The following CNTNAP4 variants were observed in gnomAD, a reference collection of about 807,000 sequenced individuals.
CNTNAP4 encodes contactin associated protein family member 4.
CNTNAP4 carries 98 observed loss-of-function variants against 148.4 expected under a neutral mutation model. The observed-to-expected ratio is 0.66, with a 90% CI of 0.56 to 0.78. The LOEUF is 0.78. Among genes scored for constraint, CNTNAP4 ranks in the 30% least tolerant of loss-of-function variants. CNTNAP4 has a pLI of 0.00. For synonymous variants in CNTNAP4, 730 were observed against 565.1 expected, an observed-to-expected ratio of 1.29 and a Z score of -4.14; for missense variants, 1,935 against 1,565.6, an observed-to-expected ratio of 1.24 and a Z score of -3.98.
intron 1 of CNTNAP4, among the ~76,000 whole-genome samples, chr16:76,300,213 A>G (rs1412735373): frequency 6.6e-6 from 1 of 152,204 alleles, no homozygotes; most frequent in African/African-American, 2.4e-5. Context: ...ATGTACTTTT[A>G]AAGAATATCA....
chr16:76,448,576 A>G (rs1050793706), intron 5 of CNTNAP4, among the ~76,000 whole-genome samples, 191 bp from the exon 6 acceptor site: 2 of 152,168 alleles, frequency 1.3e-5, no homozygotes, highest in Admixed American at 6.6e-5. Context: ...AGAATTAACA[A>G]CGGAGGAAAT....
intron 3 of CNTNAP4, among the ~76,000 whole-genome samples, chr16:76,367,984 C>G (rs1263979883): frequency 6.6e-6 from 1 of 152,170 alleles, no homozygotes; most frequent in Non-Finnish European, 1.5e-5. Flanking sequence ...CCTAGGGAGA[C>G]TGTCTAGAGG....
intron 2 of CNTNAP4, among the ~76,000 whole-genome samples, chr16:76,319,922 G>T (rs1962229164): frequency 6.6e-6 from 1 of 152,166 alleles, no homozygotes; most frequent in African/African-American, 2.4e-5. Context: ...GTAGTACTTT[G>T]CTACTGCAGC....
chr16:76,345,592 T>C (rs527274361), intron 2 of CNTNAP4, among the ~76,000 whole-genome samples: 5 of 152,108 alleles, frequency 3.3e-5, no homozygotes, highest in Non-Finnish European at 7.4e-5. Context: ...GCCAATGTGA[T>C]AAGGCCATCT....
chr16:76,479,593 G>A (rs1356033595), intron 12 of CNTNAP4, 55 bp downstream of exon 12: 1 of 1,547,730 alleles, frequency 6.5e-7, no homozygotes, highest in Non-Finnish European at 8.7e-7. Context: ...TTTTAAATAG[G>A]CAAAATTAAA....
chr16:76,303,010 C>CTAA, intron 1 of CNTNAP4, among the ~76,000 whole-genome samples: 1 of 152,258 alleles, frequency 6.6e-6, no homozygotes, highest in Admixed American at 6.5e-5. Context: ...CTGTACTGAG[C>CTAA]TAATGCACAC....
chr16:76,448,350 A>G (rs971509693), intron 5 of CNTNAP4, 135 bp downstream of exon 5: 4 of 632,880 alleles, frequency 6.3e-6, no homozygotes, highest in South Asian at 2.3e-5. Flanking sequence ...ATATGTCAAT[A>G]TTGCTCTTTC....
intron 4 of CNTNAP4, among the ~76,000 whole-genome samples, chr16:76,431,456 G>A (rs1457679188): frequency 6.6e-6 from 1 of 152,090 alleles, no homozygotes; most frequent in African/African-American, 2.4e-5. Context: ...GAGGTGGGGG[G>A]TTACCTGAGG....
chr16:76,306,606 G>A lies in CNTNAP4; in HGVS notation c.86-9807G>A, dbSNP rs75940895. 1.9e-3 allele frequency among the ~76,000 whole-genome samples: 285 copies of A among 152,298 alleles called. 4 individuals are homozygous for A. In the East Asian group the frequency reaches 0.02, roughly 11 times the overall value. On this transcript the variant is annotated intron_variant, in intron 1 of 23. Coordinates refer to ENST00000611870, the MANE Select transcript of CNTNAP4 (RefSeq NM_033401.5). ...TCACAGGCAGGAGTCAAGATGATTC[G>A]CATACGTCCAGTGACAGGTACAGTG...
rs146801695 is a variant in CNTNAP4 at position 76,302,073 on chromosome 16, C to T, written c.86-14340C>T. Among the ~76,000 whole-genome samples, 756 of 152,020 alleles carry T rather than the reference C, an allele frequency of 5.0e-3. 4 individuals carry two copies. Among genetic ancestry groups the T allele is most frequent in the African/African-American group, 0.017 (717 of 41,466 alleles). On this transcript the variant is annotated intron_variant, in intron 1 of 23. Coordinates refer to ENST00000611870, the MANE Select transcript of CNTNAP4 (RefSeq NM_033401.5). Reference sequence around the variant, plus strand: ...CCAAGTTTCTGAGAAACAACCGAAGCGACCATTACCATGGTGACTTAGGAA... The same window carrying T: ...CCAAGTTTCTGAGAAACAACCGAAGTGACCATTACCATGGTGACTTAGGAA...
chr16:76,324,078 A>C (rs991208408), intron 2 of CNTNAP4, among the ~76,000 whole-genome samples: 10 of 152,192 alleles, frequency 6.6e-5, no homozygotes, highest in African/African-American at 2.4e-4. Flanking sequence ...AGAAATTGGT[A>C]GTCCCTCAAT....
At chr16:76,403,855 A>C (rs2078506008) in intron 3 of CNTNAP4, among the ~76,000 whole-genome samples, 1 of 152,232 alleles carries the variant, frequency 6.6e-6, no homozygotes, top group South Asian at 2.1e-4. Context: ...ATCACAGAAT[A>C]CTATGCAGCC....
intron 3 of CNTNAP4, among the ~76,000 whole-genome samples, chr16:76,405,936 G>A (rs549810789): frequency 6.6e-6 from 1 of 152,120 alleles, no homozygotes; most frequent in East Asian, 1.9e-4. Flanking sequence ...ATTAAGTTGG[G>A]CCAGGTGCAG....
chr16:76,302,142 T>A (rs1033813791), intron 1 of CNTNAP4, among the ~76,000 whole-genome samples: 1 of 152,020 alleles, frequency 6.6e-6, no homozygotes, highest in Non-Finnish European at 1.5e-5. Flanking sequence ...AATTTCAGCT[T>A]CAGTGGCGAG....
At chr16:76,387,519 A>G (rs1471116327) in intron 3 of CNTNAP4, among the ~76,000 whole-genome samples, 1 of 152,210 alleles carries the variant, frequency 6.6e-6, no homozygotes, top group Non-Finnish European at 1.5e-5. Context: ...TATATATTTT[A>G]AATCATGTAC....
intron 3 of CNTNAP4, among the ~76,000 whole-genome samples, chr16:76,423,418 A>C (rs1371009082): frequency 6.6e-6 from 1 of 152,114 alleles, no homozygotes; most frequent in African/African-American, 2.4e-5. Flanking sequence ...TTTCTAAAGA[A>C]ACACCTCAAG....
At chr16:76,463,714 T>C (rs749604566) in intron 9 of CNTNAP4, among the ~76,000 whole-genome samples, 2 of 152,206 alleles carry the variant, frequency 1.3e-5, no homozygotes, top group Non-Finnish European at 2.9e-5. Flanking sequence ...CCCATGTGTC[T>C]CTCTGCTAAA....
At chr16:76,472,519 G>A (rs12934562) in intron 10 of CNTNAP4, among the ~76,000 whole-genome samples, 49,865 of 150,642 alleles carry the variant, frequency 0.33, 9,980 homozygotes, top group Non-Finnish European at 0.43. Flanking sequence ...TTGGTTTTAC[G>A]TTCCTGCATT....
At chr16:76,534,411 G>A (rs544050355) in intron 17 of CNTNAP4, among the ~76,000 whole-genome samples, 4 of 152,302 alleles carry the variant, frequency 2.6e-5, no homozygotes, top group African/African-American at 9.6e-5. Flanking sequence ...TCCTGGTGAT[G>A]AGACACCATC....
Sources: allele counts gnomAD v4.1 joint callset (sites outside exome capture counted in the v4.1 genomes callset), GRCh38; gene constraint gnomAD v4.1.1; transcripts MANE v1.5; gene names NCBI Gene and HGNC (gene_info 2026-07-23, HGNC 2026-07-21).